FGL1: variants seen among roughly 807,000 people sequenced by gnomAD.
FGL1 encodes fibrinogen-like protein 1.
Under a neutral mutation model 43.7 loss-of-function variants are expected in FGL1, and 59 were observed. The ratio of observed to expected loss-of-function variants is 1.35; its 90% CI spans 1.10 to 1.68. FGL1 has a LOEUF of 1.68. FGL1 is among the 40% of genes most tolerant of loss of function. The pLI, the probability that FGL1 is intolerant of heterozygous loss-of-function variation, is 0.00. For missense variants in FGL1, 596 were observed against 373.0 expected (o/e 1.60, Z -4.92); for synonymous variants, 192 against 126.5 (o/e 1.52, Z -3.48).
At chr8:17,881,216 A>C (rs1047448260) in intron 3 of FGL1, among the ~76,000 whole-genome samples, 3 of 150,602 alleles carry the variant, frequency 2.0e-5, no homozygotes, top group Non-Finnish European at 2.9e-5. Context: ...GGCTCACTGC[A>C]ACCTGCGACT....
chr8:17,886,585 C>G lies in FGL1; in HGVS notation c.-17-1014G>C, dbSNP rs141974034. Among the ~76,000 whole-genome samples, 444 of 152,168 alleles carry G rather than the reference C, an allele frequency of 2.9e-3. 2 individuals are homozygous for G. Among genetic ancestry groups the G allele is most frequent in the African/African-American group, 0.01 (423 of 41,522 alleles). ...CCAGCCTGGTCAACATGGCGAAACCCTGTCTCTACTAAAAATACAAAAATT... is the reference window on the plus strand; with the variant it reads ...CCAGCCTGGTCAACATGGCGAAACCGTGTCTCTACTAAAAATACAAAAATT... On this transcript the variant is annotated intron_variant, in intron 1 of 7. Transcript: ENST00000427924.
At chr8:17,888,044 G>T (rs2053654653) in intron 1 of FGL1, among the ~76,000 whole-genome samples, 1 of 151,806 alleles carries the variant, frequency 6.6e-6, no homozygotes, top group Non-Finnish European at 1.5e-5. Flanking sequence ...TAGGCCCAGT[G>T]ATAGAAATAG....
chr8:17,892,488 C>T (rs978082839), intron 1 of FGL1, among the ~76,000 whole-genome samples: 2 of 151,840 alleles, frequency 1.3e-5, no homozygotes, highest in Non-Finnish European at 2.9e-5. Context: ...AATTGTTTGC[C>T]TAAAGAAATA....
At chr8:17,868,495 T>C in intron 7 of FGL1, 53 bp downstream of exon 7, 1 of 1,348,590 alleles carries the variant, frequency 7.4e-7, no homozygotes, top group East Asian at 2.4e-5. Context: ...AATTAATGTC[T>C]ATCAGTGAGA....
intron 3 of FGL1, among the ~76,000 whole-genome samples, chr8:17,881,082 C>T (rs1238024814): frequency 6.6e-6 from 1 of 151,762 alleles, no homozygotes; most frequent in East Asian, 1.9e-4. Flanking sequence ...GAAAGATACA[C>T]AAACACAAAG....
chr8:17,869,155 A>C (rs1242310529), intron 5 of FGL1, 151 bp from the exon 6 acceptor site: 2 of 494,208 alleles, frequency 4.0e-6, no homozygotes, highest in East Asian at 6.5e-5. Context: ...ACTCCTTTGT[A>C]TATATAACAT....
intron 3 of FGL1, among the ~76,000 whole-genome samples, chr8:17,875,543 T>TTCTCTCTCTCTCTCTCTCTC (rs1272838243): frequency 1.2e-4 from 2 of 16,828 alleles, no homozygotes; most frequent in African/African-American, 3.3e-4. Context: ...TTCTCTTTCT[T>TTCTCTCTCTCTCTCTCTCTC]TCTTTCTTTC....
intron 5 of FGL1, among the ~76,000 whole-genome samples, chr8:17,870,728 A>T (rs2053345413): frequency 1.3e-5 from 2 of 152,148 alleles, no homozygotes; most frequent in South Asian, 4.1e-4. Context: ...CAACATGGTG[A>T]AACCCTGTCT....
At chr8:17,885,688 A>G in intron 1 of FGL1, 117 bp from the exon 2 acceptor site, 1 of 723,840 alleles carries the variant, frequency 1.4e-6, no homozygotes, top group East Asian at 2.7e-5. Context: ...CCCTAATCTT[A>G]GAGTCGCCGA....
At position 17,885,741 on chromosome 8, in the gene FGL1, G is replaced by A; in HGVS notation, c.-17-170C>T. The A allele has an allele frequency of 6.8e-6, 4 of 589,598 alleles. No homozygotes were observed. The South Asian group carries it at 8.7e-5, about 13-fold the overall frequency. The allele number at this position is 589,598 out of a possible 1,614,324, so 36.5% of individuals were successfully genotyped here. ...TTCCCAGCCTCTCACCACACAGAAT[G>A]ACACTGAGTGTTAACTAGAATTGAA... On this transcript the variant is annotated intron_variant, in intron 1 of 7. Coordinates refer to ENST00000427924, the MANE Select transcript of FGL1 (RefSeq NM_004467.4).
At chr8:17,866,921 G>A (rs1477428561) in intron 7 of FGL1, among the ~76,000 whole-genome samples, 1 of 152,106 alleles carries the variant, frequency 6.6e-6, no homozygotes, top group Admixed American at 6.5e-5. Context: ...TGAAGAAGAC[G>A]GTTTTTAAAA....
At chr8:17,876,643 A>G (rs955825088) in intron 3 of FGL1, among the ~76,000 whole-genome samples, 2 of 152,214 alleles carry the variant, frequency 1.3e-5, no homozygotes, top group Admixed American at 1.3e-4. Flanking sequence ...ATAGTACAAC[A>G]CTTTTATTAA....
rs2053620292 is a variant in FGL1, at chr8:17,885,850, A to C, written c.-17-279T>G. The C allele has an allele frequency of 1.4e-5, 4 of 295,460 alleles. No individual in the cohort carries two copies. The South Asian group carries it at 3.0e-4, about 22-fold the overall frequency. 18.3% of individuals were successfully genotyped at this position (295,460 alleles called of 1,614,324 possible). On this transcript the variant is annotated intron_variant, in intron 1 of 7. Coordinates refer to ENST00000427924, the MANE Select transcript of FGL1 (RefSeq NM_004467.4). ...TGTTTGTGTTATGCTGTGGAAAGGC[A>C]CAGGAGCATTTTAATCAGTTATTTA...
In FGL1 at chr8:17,881,661, G is replaced by C. The variant is rs35033201; in HGVS notation, c.244+338C>G. ...ATCCTGGCTAACATGGTGAAACCCTGCCTCTACTAAAAATACAAAAAAAGT... is the reference window on the plus strand; with the variant it reads ...ATCCTGGCTAACATGGTGAAACCCTCCCTCTACTAAAAATACAAAAAAAGT... On this transcript the variant is annotated intron_variant, in intron 3 of 7. Transcript: ENST00000427924. Among the ~76,000 whole-genome samples the C allele has an allele frequency of 6.2e-3, 942 of 151,020 alleles. 9 individuals are homozygous for C. Among genetic ancestry groups the C allele is most frequent in the African/African-American group, 0.022 (887 of 41,226 alleles).
intron 5 of FGL1, 148 bp from the exon 6 acceptor site, chr8:17,869,152 T>C: frequency 2.0e-6 from 1 of 508,638 alleles, no homozygotes; most frequent in Non-Finnish European, 3.5e-6. Flanking sequence ...GTGACTCCTT[T>C]GTATATATAA....
At position 17,864,481 on chromosome 8, in the gene FGL1, G is replaced by T; in HGVS notation, c.*111C>A. On this transcript the variant is annotated 3_prime_UTR_variant, in exon 8 of 8. Transcript: ENST00000427924. ...CAAAGGCAAGTGAGAAGAATGAAAA[G>T]CACTACTCACAACAGTTATCATGAT... is the stretch of plus-strand genomic sequence containing the variant. The T allele has an allele frequency of 1.7e-6, 2 of 1,151,208 alleles. No individual in the cohort carries two copies. The highest frequency in any genetic ancestry group is 2.4e-6 in the Non-Finnish European group (2 of 829,340). The allele number at this position is 1,151,208 out of a possible 1,614,324, so 71.3% of individuals were successfully genotyped here.
chr8:17,880,327 C>G (rs561395294), intron 3 of FGL1, among the ~76,000 whole-genome samples: 4 of 152,366 alleles, frequency 2.6e-5, no homozygotes, highest in Admixed American at 2.6e-4. Context: ...TCATGCGCTA[C>G]AGTGTGAGCC....
At chr8:17,882,202 T>G in intron 2 of FGL1, 23 bp from the exon 3 acceptor site, 1 of 1,605,644 alleles carries the variant, frequency 6.2e-7, no homozygotes, top group Non-Finnish European at 8.5e-7. Context: ...TGAGATGAGA[T>G]GAGTATGCAC....
chr8:17,885,826 G>A (rs1262939267), intron 1 of FGL1: 2 of 421,662 alleles, frequency 4.7e-6, no homozygotes, highest in Non-Finnish European at 8.5e-6. Flanking sequence ...CTAATGTGCT[G>A]TTTGTGTTAT....
Sources: gnomAD v4.1 joint callset for allele counts (sites outside exome capture counted in the v4.1 genomes callset) on GRCh38, gnomAD v4.1.1 for gene constraint, MANE v1.5 for transcripts, NCBI Gene and HGNC (gene_info 2026-07-23, HGNC 2026-07-21) for gene names.